Variants in SPEM2 observed in about 807,000 individuals in gnomAD.
SPEM2 encodes the protein uncharacterized protein SPEM2.
Under a neutral mutation model 9.3 loss-of-function variants are expected in SPEM2, and 15 were observed. That is an observed-to-expected ratio of 1.62 (90% CI 1.08 to 2.50). SPEM2 has a LOEUF of 2.50. Among genes scored for constraint, SPEM2 ranks in the 30% most tolerant of loss-of-function variants. SPEM2 has a pLI of 0.00. For missense variants in SPEM2, 678 were observed against 690.0 expected (o/e 0.98, Z 0.19); for synonymous variants, 268 against 272.4 (o/e 0.98, Z 0.16).
rs777551909 is a variant in SPEM2 at position 7,425,652 on chromosome 17, AG to A, written c.-31del. 9.0e-6 allele frequency: 13 copies of A among 1,442,120 alleles called. No individual in the cohort carries two copies. The African/African-American group carries it at 1.9e-4, about 21-fold the overall frequency. 89.3% of individuals were successfully genotyped at this position (1,442,120 alleles called of 1,614,324 possible). On this transcript the variant is annotated 5_prime_UTR_variant, in exon 1 of 3. Transcript: ENST00000333870. ...GGTTGGGGCCGGGGGTGGGGGGCAG[AG>A]GGGGGTGGCCCAGGTGGCCCTAGGA...
chr17:7,426,332 A>G lies in SPEM2; in HGVS notation c.341A>G (p.Asn114Ser), dbSNP rs201970262. 3.0e-4 allele frequency: 488 copies of G among 1,614,022 alleles called. 1 individual carries two copies. The highest frequency in any genetic ancestry group is 3.1e-4 in the South Asian group (28 of 91,074). ...TCTTTCTCCTGCCACCATTTCTCCA[A>G]CCATCACAGTAGCAGTCTTCTTCGC... is the stretch of plus-strand genomic sequence containing the variant. The part of the protein sequence containing the change: ...YSSFSCHHFS[N>S]HHSSSLLRCV... Residue 114 changes from asparagine (N) to serine (S), a missense_variant, in exon 3 of 3, where the codon AAC (asparagine) becomes AGC (serine). Physicochemically the swap from Asn to Ser is conservative, Grantham distance 46. Coordinates refer to ENST00000333870, the MANE Select transcript of SPEM2 (RefSeq NM_175734.5). This position sits in a 1 kb window ranked among gnomAD's most constrained non-coding sequence, Gnocchi z 5.3.
rs751238521 is a variant in SPEM2 at position 7,426,838 on chromosome 17, C to G, written c.847C>G (p.Pro283Ala). Residue 283 changes from proline (P) to alanine (A), a missense_variant, in exon 3 of 3, where the codon CCC becomes GCC. Coordinates refer to ENST00000333870, the MANE Select transcript of SPEM2 (RefSeq NM_175734.5). The surrounding 1 kb of genome is among the most constrained non-coding windows in gnomAD (Gnocchi z 5.3). ...GCAGTGGGCCTCGTCTCCACCACCT[C>G]CCCACCGGCTGCCCCCTAACCCCTC... ...AEQWASSPPP[P>A]HRLPPNPSWV... 9 of 1,609,804 alleles carry G rather than the reference C, an allele frequency of 5.6e-6. No homozygotes were observed. Among genetic ancestry groups the G allele is most frequent in the Non-Finnish European group, 6.8e-6 (8 of 1,178,004 alleles).
Position 7,426,357 on chromosome 17 carries a change from C to T in SPEM2, c.366C>T (p.Arg122=), listed in dbSNP as rs752890609. The change falls in exon 3 of 3, where the codon CGC becomes CGT. Residue 122 remains arginine (R), a synonymous_variant. Transcript: ENST00000333870. This position sits in a 1 kb window ranked among gnomAD's most constrained non-coding sequence, Gnocchi z 5.3. ...FSNHHSSSLL[R]CVRRRRRRHR... Reference sequence around the variant, plus strand: ...ACCATCACAGTAGCAGTCTTCTTCGCTGTGTTCGTCGCCGCCGCCGCCGCC... The same window carrying T: ...ACCATCACAGTAGCAGTCTTCTTCGTTGTGTTCGTCGCCGCCGCCGCCGCC... 225 of 1,613,900 alleles carry T rather than the reference C, an allele frequency of 1.4e-4. No individual in the cohort carries two copies. The highest frequency in any genetic ancestry group is 1.7e-4 in the Non-Finnish European group (202 of 1,180,056).
At position 7,427,421 on chromosome 17, in the gene SPEM2, C is replaced by T. The variant is rs1279006488; in HGVS notation, c.1430C>T (p.Ser477Phe). The change falls in exon 3 of 3, where the codon TCC (serine) becomes TTC (phenylalanine). Residue 477 changes from serine to phenylalanine, a missense_variant. Ser to Phe is a radical substitution (Grantham distance 155). Transcript: ENST00000333870. This position sits in a 1 kb window ranked among gnomAD's most constrained non-coding sequence, Gnocchi z 5.4. ...KRQVQKSRAR[S>F]SSLPPASTST... ...CAGGTGCAGAAGAGCAGAGCCAGGT[C>T]CAGCTCACTGCCACCGGCTTCCACC... The T allele has an allele frequency of 6.2e-7, 1 of 1,611,708 alleles. No homozygotes were observed. The highest frequency in any genetic ancestry group is 8.5e-7 in the Non-Finnish European group (1 of 1,178,566).
At position 7,426,945 on chromosome 17, in the gene SPEM2, G is replaced by A. The variant is rs376932153; in HGVS notation, c.954G>A (p.Thr318=). The change falls in exon 3 of 3, where the codon ACG becomes ACA. Residue 318 remains threonine (T), a synonymous_variant. Transcript: ENST00000333870. This position sits in a 1 kb window ranked among gnomAD's most constrained non-coding sequence, Gnocchi z 5.3. ...CCTGGGATCAGCGGCGTCGTGGCACGGAGGGCTTTGAGCGCCCCCCTGCCT... is the reference window on the plus strand; with the variant it reads ...CCTGGGATCAGCGGCGTCGTGGCACAGAGGGCTTTGAGCGCCCCCCTGCCT... ...YDSWDQRRRG[T]EGFERPPASV... The A allele has an allele frequency of 4.3e-4, 689 of 1,612,784 alleles. No individual in the cohort carries two copies. Among genetic ancestry groups the A allele is most frequent in the Non-Finnish European group, 5.2e-4 (609 of 1,179,946 alleles).
chr17:7,426,338 A>G lies in SPEM2; in HGVS notation c.347A>G (p.His116Arg). Residue 116 changes from histidine (H) to arginine (R), a missense_variant, in exon 3 of 3, where the codon CAC (histidine) becomes CGC (arginine). Physicochemically the swap from His to Arg is conservative, Grantham distance 29 (BLOSUM62 0). Coordinates refer to ENST00000333870, the MANE Select transcript of SPEM2 (RefSeq NM_175734.5). The surrounding 1 kb of genome is among the most constrained non-coding windows in gnomAD (Gnocchi z 5.3). Reference protein sequence around the residue: ...SFSCHHFSNHHSSSLLRCVRR... With the variant: ...SFSCHHFSNHRSSSLLRCVRR... ...TCCTGCCACCATTTCTCCAACCATC[A>G]CAGTAGCAGTCTTCTTCGCTGTGTT... The G allele has an allele frequency of 6.2e-7, 1 of 1,613,992 alleles. No homozygotes were observed.
rs765993457 is a variant in SPEM2 at position 7,425,811 on chromosome 17, C to T, written c.123C>T (p.Ile41=). ...LGLIVLVNIG[I]NVATMMWHGL... ...TCATCGTTCTTGTCAACATTGGCAT[C>T]AACGTGGCAACTATGGTCAGTGATG... is the stretch of plus-strand genomic sequence containing the variant. The change falls in exon 1 of 3, where the codon ATC becomes ATT. Residue 41 remains isoleucine, a synonymous_variant. Coordinates refer to ENST00000333870, the MANE Select transcript of SPEM2 (RefSeq NM_175734.5). 4 of 1,614,174 alleles carry T rather than the reference C, an allele frequency of 2.5e-6. No homozygotes were observed. The highest frequency in any genetic ancestry group is 4.5e-5 in the East Asian group (2 of 44,888).
rs1907628732 is a variant in SPEM2 at position 7,426,786 on chromosome 17, C to T, written c.795C>T (p.Ser265=). 2.5e-6 allele frequency: 4 copies of T among 1,602,750 alleles called. No homozygotes were observed. The highest frequency in any genetic ancestry group is 3.4e-6 in the Non-Finnish European group (4 of 1,173,414). ...LQSYGRHGSQ[S]RLWGNVEAEQ... is the part of the protein sequence containing the mutation. ...CCTATGGGCGCCACGGTTCCCAATC[C>T]CGACTGTGGGGCAATGTGGAGGCTG... The change falls in exon 3 of 3, where the codon TCC becomes TCT. Residue 265 remains serine, a synonymous_variant. Coordinates refer to ENST00000333870, the MANE Select transcript of SPEM2 (RefSeq NM_175734.5). This position sits in a 1 kb window ranked among gnomAD's most constrained non-coding sequence, Gnocchi z 5.3.
chr17:7,426,973 G>A lies in SPEM2; in HGVS notation c.982G>A (p.Val328Met), dbSNP rs1206364917. ...TEGFERPPAS[V>M]SRNARPEAQG... The stretch of plus-strand genomic sequence containing the variant: ...GGGCTTTGAGCGCCCCCCTGCCTCG[G>A]TGTCCCGGAACGCCCGGCCTGAGGC... Residue 328 changes from valine (V) to methionine (M), a missense_variant, in exon 3 of 3, where the codon GTG becomes ATG. By Grantham distance (21) the Val-to-Met change is conservative. Transcript: ENST00000333870. This position sits in a 1 kb window ranked among gnomAD's most constrained non-coding sequence, Gnocchi z 5.3. The A allele has an allele frequency of 2.5e-6, 4 of 1,611,770 alleles. No homozygotes were observed. In the Admixed American group the frequency reaches 6.7e-5, roughly 27 times the overall value.
rs1459813543 is a variant in SPEM2 at position 7,426,635 on chromosome 17, A to T, written c.644A>T (p.Asn215Ile). The T allele has an allele frequency of 1.5e-5, 25 of 1,614,010 alleles. No homozygotes were observed. The highest frequency in any genetic ancestry group is 1.9e-5 in the Non-Finnish European group (23 of 1,179,962). The stretch of plus-strand genomic sequence containing the variant: ...TATCAGAGAGCGGGCCTGCCCTCCA[A>T]TGTGGGGCTGTGGGGCCACCAGGGT... Reference protein sequence around the residue: ...GFYQRAGLPSNVGLWGHQGGI... With the variant: ...GFYQRAGLPSIVGLWGHQGGI... Residue 215 changes from asparagine (N) to isoleucine (I), a missense_variant, in exon 3 of 3, where the codon AAT (asparagine) becomes ATT (isoleucine). Asn to Ile is a moderately radical substitution (Grantham distance 149). Coordinates refer to ENST00000333870, the MANE Select transcript of SPEM2 (RefSeq NM_175734.5). The surrounding 1 kb of genome is among the most constrained non-coding windows in gnomAD (Gnocchi z 5.3).
Position 7,426,306 on chromosome 17 carries a change from CTCT to C in SPEM2, c.317_319del (p.Ser106del). On this transcript the variant is annotated inframe_deletion, in exon 3 of 3. Coordinates refer to ENST00000333870, the MANE Select transcript of SPEM2 (RefSeq NM_175734.5). This position sits in a 1 kb window ranked among gnomAD's most constrained non-coding sequence, Gnocchi z 5.3. ...AGATGTCCCGACCCACGCAGTACTCCTCTTTCTCCTGCCACCATTTCTCCAACC... is the reference window on the plus strand; with the variant it reads ...AGATGTCCCGACCCACGCAGTACTCCTTCTCCTGCCACCATTTCTCCAACC... The C allele has an allele frequency of 6.2e-7, 1 of 1,614,188 alleles. No individual in the cohort carries two copies. The highest frequency in any genetic ancestry group is 8.5e-7 in the Non-Finnish European group (1 of 1,180,038).
Position 7,427,506 on chromosome 17 carries a change from CG to C in SPEM2, c.*11del. The C allele has an allele frequency of 6.4e-7, 1 of 1,558,218 alleles. No homozygotes were observed. Among genetic ancestry groups the C allele is most frequent in the East Asian group, 2.3e-5 (1 of 44,308 alleles). On this transcript the variant is annotated 3_prime_UTR_variant, in exon 3 of 3. Transcript: ENST00000333870. This position sits in a 1 kb window ranked among gnomAD's most constrained non-coding sequence, Gnocchi z 5.4. ...CCGAGAAACTCAACTGACCAGCAGG[CG>C]GATGTGGGGTGTGGGGCAGGGCATG...
chr17:7,425,930 G>T, intron 1 of SPEM2, 63 bp from the exon 2 acceptor site: 2 of 1,612,490 alleles, frequency 1.2e-6, no homozygotes, highest in East Asian at 2.2e-5. Context: ...ATTGGGGCGG[G>T]GGCAGGGGTG....
In SPEM2 at chr17:7,426,864, T is replaced by G; in HGVS notation, c.873T>G (p.Ser291=). The change falls in exon 3 of 3, where the codon TCT becomes TCG. Residue 291 remains serine (S), a synonymous_variant. Transcript: ENST00000333870. The surrounding 1 kb of genome is among the most constrained non-coding windows in gnomAD (Gnocchi z 5.3). ...PPPHRLPPNP[S]WVPVGHSPYP... ...CCCACCGGCTGCCCCCTAACCCCTC[T>G]TGGGTCCCCGTGGGGCACAGCCCTT... The G allele has an allele frequency of 6.2e-7, 1 of 1,612,768 alleles. No homozygotes were observed. Among genetic ancestry groups the G allele is most frequent in the Non-Finnish European group, 8.5e-7 (1 of 1,179,670 alleles).
In SPEM2 at chr17:7,426,442, A is replaced by G. The variant is rs774305175; in HGVS notation, c.451A>G (p.Ile151Val). The stretch of plus-strand genomic sequence containing the variant: ...GCAGCGGCCGCAGAACTACAGACAA[A>G]TCCCCCATAGCCACTCAGTCTTCCG... The part of the protein sequence containing the change: ...HQQRPQNYRQ[I>V]PHSHSVFRNP... The change falls in exon 3 of 3, where the codon ATC becomes GTC. Residue 151 changes from isoleucine (I) to valine (V), a missense_variant. Coordinates refer to ENST00000333870, the MANE Select transcript of SPEM2 (RefSeq NM_175734.5). The surrounding 1 kb of genome is among the most constrained non-coding windows in gnomAD (Gnocchi z 5.3). 2.5e-6 allele frequency: 4 copies of G among 1,613,726 alleles called. No individual in the cohort carries two copies. The Admixed American group carries it at 5.0e-5, about 20-fold the overall frequency.
Position 7,425,641 on chromosome 17 carries a change from G to C in SPEM2, c.-48G>C. On this transcript the variant is annotated 5_prime_UTR_variant, in exon 1 of 3. Transcript: ENST00000333870. The stretch of plus-strand genomic sequence containing the variant: ...AGTGCAGTGTGGGTTGGGGCCGGGG[G>C]TGGGGGGCAGAGGGGGGTGGCCCAG... 1 of 1,591,912 alleles carries C rather than the reference G, an allele frequency of 6.3e-7. No individual in the cohort carries two copies. Among genetic ancestry groups the C allele is most frequent in the South Asian group, 1.1e-5 (1 of 88,690 alleles).
rs1484573396 is a variant in SPEM2, at chr17:7,426,972, G to A, written c.981G>A (p.Ser327=). ...AGGGCTTTGAGCGCCCCCCTGCCTC[G>A]GTGTCCCGGAACGCCCGGCCTGAGG... The part of the protein sequence containing the change: ...GTEGFERPPA[S]VSRNARPEAQ... The change falls in exon 3 of 3, where the codon TCG becomes TCA. Residue 327 remains serine (S), a synonymous_variant. Coordinates refer to ENST00000333870, the MANE Select transcript of SPEM2 (RefSeq NM_175734.5). This position sits in a 1 kb window ranked among gnomAD's most constrained non-coding sequence, Gnocchi z 5.3. The A allele has an allele frequency of 9.3e-6, 15 of 1,611,702 alleles. No homozygotes were observed. The highest frequency in any genetic ancestry group is 1.6e-4 in the Middle Eastern group (1 of 6,062).
Position 7,425,787 on chromosome 17 carries a change from C to T in SPEM2, c.99C>T (p.Leu33=). The change falls in exon 1 of 3, where the codon CTC becomes CTT. Residue 33 remains leucine, a synonymous_variant. Coordinates refer to ENST00000333870, the MANE Select transcript of SPEM2 (RefSeq NM_175734.5). ...ACATCTTACTCCTGCTGCTGGGCCT[C>T]ATCGTTCTTGTCAACATTGGCATCA... ...AEDILLLLLG[L]IVLVNIGINV... 1 of 1,614,228 alleles carries T rather than the reference C, an allele frequency of 6.2e-7. No homozygotes were observed. The highest frequency in any genetic ancestry group is 8.5e-7 in the Non-Finnish European group (1 of 1,180,014).
In SPEM2 at chr17:7,427,467, G is replaced by A. The variant is rs1907678189; in HGVS notation, c.1476G>A (p.Leu492=). ...PASTSTLRPS[L]HRSQTEKLN is the part of the protein sequence containing the mutation. ...CCACCTCCACCTTGAGGCCCTCTCT[G>A]CACAGGAGCCAGACCGAGAAACTCA... Residue 492 remains leucine (L), a synonymous_variant, in exon 3 of 3, where the codon CTG becomes CTA. Coordinates refer to ENST00000333870, the MANE Select transcript of SPEM2 (RefSeq NM_175734.5). The surrounding 1 kb of genome is among the most constrained non-coding windows in gnomAD (Gnocchi z 5.4). 3.8e-6 allele frequency: 6 copies of A among 1,591,628 alleles called. No homozygotes were observed. The East Asian group carries it at 1.3e-4, about 36-fold the overall frequency.
Sources: gnomAD v4.1 joint callset for allele counts on GRCh38, gnomAD v4.1.1 for gene constraint, Gnocchi (gnomAD v3.1) non-coding constraint, MANE v1.5 for transcripts, NCBI Gene and HGNC (gene_info 2026-07-23, HGNC 2026-07-21) for gene names.